Variants in ALG12 observed in about 807,000 individuals in gnomAD.
ALG12 encodes ALG12 alpha-1,6-mannosyltransferase.
ALG12 carries 36 observed loss-of-function variants against 46.0 expected under a neutral mutation model. That is an observed-to-expected ratio of 0.78 (90% CI 0.60 to 1.03). ALG12 has a LOEUF of 1.03. ALG12 is among the 50% of genes least tolerant of loss of function. ALG12 has a pLI of 0.00. For synonymous variants in ALG12, 326 were observed against 291.6 expected (o/e 1.12, Z -1.20); for missense variants, 599 against 633.5 (o/e 0.95, Z 0.58).
At chr22:49,871,714 T>C in the ALG12 span, among the ~76,000 whole-genome samples, 8 of 151,848 alleles carry the variant, frequency 5.3e-5, no homozygotes, top group Non-Finnish European at 8.8e-5. Flanking sequence ...AGAGTGCAGA[T>C]TGCTGAAGGG....
downstream of ALG12, among the ~76,000 whole-genome samples, chr22:49,897,670 T>C (rs1286059824): frequency 2.4e-4 from 35 of 145,114 alleles, no homozygotes; most frequent in Non-Finnish European, 3.6e-4. Context: ...TTTCTTTTTT[T>C]TTTTTTTTTT....
At chr22:49,908,857 C>G (rs752331121) in intron 6 of ALG12, among the ~76,000 whole-genome samples, 6 of 149,720 alleles carry the variant, frequency 4.0e-5, no homozygotes, top group African/African-American at 1.5e-4. Context: ...GAGGCTGAGG[C>G]AGGAGAATTG....
chr22:49,881,917 T>C, the ALG12 span, among the ~76,000 whole-genome samples: 2 of 152,242 alleles, frequency 1.3e-5, no homozygotes, highest in Non-Finnish European at 2.9e-5. Context: ...CCTGCATTTA[T>C]TTCTGGTGGG....
At chr22:49,894,843 G>C in the ALG12 span, among the ~76,000 whole-genome samples, 5 of 152,254 alleles carry the variant, frequency 3.3e-5, no homozygotes, top group Non-Finnish European at 7.3e-5. Context: ...CCTTGAGCAA[G>C]GGTAGCAGTG....
the ALG12 span, among the ~76,000 whole-genome samples, chr22:49,870,899 A>G: frequency 3.3e-5 from 5 of 151,890 alleles, no homozygotes; most frequent in Middle Eastern, 3.4e-3. Flanking sequence ...ACCCAAAATC[A>G]TAATTCACGT....
chr22:49,860,578 G>T, the ALG12 span, among the ~76,000 whole-genome samples: 5 of 151,790 alleles, frequency 3.3e-5, no homozygotes, highest in African/African-American at 1.2e-4. Flanking sequence ...AAATACTCTT[G>T]TTTTATTTTT....
intron 7 of ALG12, among the ~76,000 whole-genome samples, chr22:49,907,397 C>T (rs201773697): frequency 5.9e-5 from 9 of 152,202 alleles, no homozygotes; most frequent in Non-Finnish European, 1.0e-4. Flanking sequence ...CCAGGCCGGT[C>T]CCATCCCATG....
chr22:49,892,757 T>A, the ALG12 span, among the ~76,000 whole-genome samples: 1 of 152,194 alleles, frequency 6.6e-6, no homozygotes, highest in Non-Finnish European at 1.5e-5. Context: ...CTCACCTTTC[T>A]GCTAGAGGAA....
At chr22:49,892,857 T>C in the ALG12 span, among the ~76,000 whole-genome samples, 1 of 152,062 alleles carries the variant, frequency 6.6e-6, no homozygotes, top group Non-Finnish European at 1.5e-5. Context: ...TGAGACACAC[T>C]GAAAAAAAGG....
At chr22:49,896,695 G>A (rs1387480179), downstream of ALG12, among the ~76,000 whole-genome samples, 1 of 152,076 alleles carries the variant, frequency 6.6e-6, no homozygotes, top group Non-Finnish European at 1.5e-5. Context: ...GAGTACAATG[G>A]CGTGATCTCA....
intron 1 of ALG12, among the ~76,000 whole-genome samples, chr22:49,916,143 C>G (rs2060607936): frequency 6.6e-6 from 1 of 151,980 alleles, no homozygotes; most frequent in Admixed American, 6.6e-5. Flanking sequence ...GTCCCAGCTA[C>G]TTGGGAGGCT....
chr22:49,868,715 G>A, the ALG12 span, among the ~76,000 whole-genome samples: 188 of 152,276 alleles, frequency 1.2e-3, no homozygotes, highest in Admixed American at 1.9e-3. Context: ...GGTGGCCTGG[G>A]TTAGTAATTC....
At position 49,906,497 on chromosome 22, in the gene ALG12, A is replaced by G. The variant is rs1403212933; in HGVS notation, c.992+1224T>C. Among the ~76,000 whole-genome samples the G allele has an allele frequency of 6.6e-6, 1 of 152,146 alleles. No homozygotes were observed. The highest frequency in any genetic ancestry group is 2.4e-5 in the African/African-American group (1 of 41,428). On this transcript the variant is annotated intron_variant, in intron 7 of 9. Transcript: ENST00000330817. This position sits in a 1 kb window ranked among gnomAD's most constrained non-coding sequence, Gnocchi z 4.4. ...ACCCCCAGCGAGGAACAGTCACGGC[A>G]GCCAGAGGAGCTCCCAGGCCCGAGG...
intron 5 of ALG12, 140 bp from the exon 6 acceptor site, chr22:49,909,487 G>A (rs535193721): frequency 1.7e-4 from 146 of 861,596 alleles, no homozygotes; most frequent in East Asian, 8.5e-4. Context: ...GATTGCTGGA[G>A]CCTAGGAGTT....
chr22:49,882,690 C>T, the ALG12 span, among the ~76,000 whole-genome samples: 3 of 152,176 alleles, frequency 2.0e-5, no homozygotes, highest in East Asian at 1.9e-4. Context: ...TGGAATCTCA[C>T]GGTTCTTGGC....
At position 49,913,589 on chromosome 22, in the gene ALG12, G is replaced by A; in HGVS notation, c.162+15C>T. The A allele has an allele frequency of 6.2e-7, 1 of 1,614,082 alleles. No individual in the cohort carries two copies. Among genetic ancestry groups the A allele is most frequent in the Non-Finnish European group, 8.5e-7 (1 of 1,180,042 alleles). ...TAACATGAGGTTTTCCCCAAAGACAGCAGGGGCCCCTCACCTGCTCCAGGT... is the reference window on the plus strand; with the variant it reads ...TAACATGAGGTTTTCCCCAAAGACAACAGGGGCCCCTCACCTGCTCCAGGT... On this transcript the variant is annotated intron_variant, in intron 2 of 9. Coordinates refer to ENST00000330817, the MANE Select transcript of ALG12 (RefSeq NM_024105.4).
chr22:49,880,317 G>A, the ALG12 span, among the ~76,000 whole-genome samples: 1 of 152,216 alleles, frequency 6.6e-6, no homozygotes, highest in Admixed American at 6.5e-5. Flanking sequence ...CTCTGAGGGT[G>A]GTTTCCTCAA....
At chr22:49,872,601 C>G in the ALG12 span, among the ~76,000 whole-genome samples, 17 of 152,336 alleles carry the variant, frequency 1.1e-4, no homozygotes, top group Admixed American at 2.0e-4. Context: ...ACGATCACAG[C>G]TCACTGCAGT....
chr22:49,885,784 A>G, the ALG12 span: 1 of 1,604,952 alleles, frequency 6.2e-7, no homozygotes, highest in Non-Finnish European at 8.5e-7. Context: ...TATCCCAGGT[A>G]TGTATGATAA....
Sources: gnomAD v4.1 joint callset for allele counts (sites outside exome capture counted in the v4.1 genomes callset) on GRCh38, gnomAD v4.1.1 for gene constraint, Gnocchi (gnomAD v3.1) non-coding constraint, MANE v1.5 for transcripts, NCBI Gene and HGNC (gene_info 2026-07-23, HGNC 2026-07-21) for gene names.